The following AGRN variants were observed in gnomAD, a reference collection of about 807,000 sequenced individuals.
AGRN encodes the protein agrin proteoglycan.
Under a neutral mutation model 211.0 loss-of-function variants are expected in AGRN, and 106 were observed. The observed-to-expected ratio is 0.50, with a 90% CI of 0.43 to 0.59. AGRN has a LOEUF of 0.59. Ranked by LOEUF, AGRN falls within the 20% of genes least tolerant of loss-of-function variation. AGRN has a pLI of 0.00. For synonymous variants in AGRN, 1,525 were observed against 1,332.5 expected (o/e 1.14, Z -3.15); for missense variants, 3,040 against 2,982.6 (o/e 1.02, Z -0.45).
chr1:1,052,164 T>G, intron 33 of AGRN: 1 of 1,034,616 alleles, frequency 9.7e-7, no homozygotes, highest in Non-Finnish European at 1.3e-6. Flanking sequence ...AAGAGGCCGT[T>G]TCCTGCCTCA....
chr1:1,049,126 G>GGCCGGGGCAGCTCA, intron 24 of AGRN, 67 bp downstream of exon 24: 4 of 828,282 alleles, frequency 4.8e-6, no homozygotes, highest in Non-Finnish European at 5.1e-6. Context: ...GGGGGAGGGG[G>GGCCGGGGCAGCTCA]GGCCGGGGCA....
At position 1,046,816 on chromosome 1, in the gene AGRN, C is replaced by A; in HGVS notation, c.3251-4C>A. ...GAGCCTGGGCTCAGAGCGCGTCTCCCCAGGGCTCGAGCCCTTGGAGGGCAG... is the reference window on the plus strand; with the variant it reads ...GAGCCTGGGCTCAGAGCGCGTCTCCACAGGGCTCGAGCCCTTGGAGGGCAG... On this transcript the variant is annotated splice_region_variant and splice_polypyrimidine_tract_variant and intron_variant, in intron 18 of 35. Transcript: ENST00000379370. 1 of 1,579,942 alleles carries A rather than the reference C, an allele frequency of 6.3e-7. No homozygotes were observed. Among genetic ancestry groups the A allele is most frequent in the East Asian group, 2.3e-5 (1 of 43,882 alleles).
At chr1:1,030,497 G>A (rs1181669300) in intron 2 of AGRN, among the ~76,000 whole-genome samples, 3 of 38,050 alleles carry the variant, frequency 7.9e-5, no homozygotes, top group Non-Finnish European at 1.2e-4. Context: ...TGAGATCAGC[G>A]TGTGTGTGCA....
chr1:1,054,539 G>A lies in AGRN; in HGVS notation c.5968G>A (p.Ala1990Thr). 6.3e-7 allele frequency: 1 copy of A among 1,597,946 alleles called. No individual in the cohort carries two copies. Among genetic ancestry groups the A allele is most frequent in the Non-Finnish European group, 8.5e-7 (1 of 1,173,422 alleles). ...CGCCACGCAGCTGGACACTGATGGAGCCCTGTGGCTTGGTGAGTGTTTTGG... is the reference window on the plus strand; with the variant it reads ...CGCCACGCAGCTGGACACTGATGGAACCCTGTGGCTTGGTGAGTGTTTTGG... ...LGATQLDTDG[A>T]LWLGGLPELP... Residue 1990 changes from alanine (A) to threonine (T), a missense_variant, in exon 35 of 36, where the codon GCC becomes ACC. By Grantham distance (58) the Ala-to-Thr change is moderately conservative. This residue lies in a region of AGRN where 1,537 missense variants were observed against 1,505.0 expected (regional missense o/e 1.02). Coordinates refer to ENST00000379370, the MANE Select transcript of AGRN (RefSeq NM_198576.4).
rs1158798548 is a variant in AGRN at position 1,054,850 on chromosome 1, C to T, written c.6007C>T (p.Pro2003Ser). 4 of 1,559,656 alleles carry T rather than the reference C, an allele frequency of 2.6e-6. No individual in the cohort carries two copies. The African/African-American group carries it at 5.4e-5, about 21-fold the overall frequency. The change falls in exon 36 of 36, where the codon CCA becomes TCA. Residue 2003 changes from proline to serine, a missense_variant. By Grantham distance (74) the Pro-to-Ser change is moderately conservative. Coordinates refer to ENST00000379370, the MANE Select transcript of AGRN (RefSeq NM_198576.4). The part of the protein sequence containing the change: ...LGGLPELPVG[P>S]ALPKAYGTGF... ...GGGCCTGCCGGAGCTGCCCGTGGGCCCAGCACTGCCCAAGGCCTACGGCAC... is the reference window on the plus strand; with the variant it reads ...GGGCCTGCCGGAGCTGCCCGTGGGCTCAGCACTGCCCAAGGCCTACGGCAC...
intron 33 of AGRN, chr1:1,053,434 C>T (rs751750756): frequency 7.0e-7 from 1 of 1,422,818 alleles, no homozygotes; most frequent in South Asian, 1.2e-5. Flanking sequence ...CCCTGCTCAC[C>T]CGCCTCCCTC....
Position 1,053,677 on chromosome 1 carries a change from C to A in AGRN, c.5652-76C>A, listed in dbSNP as rs949274188. On this transcript the variant is annotated intron_variant, in intron 33 of 35. Transcript: ENST00000379370. The stretch of plus-strand genomic sequence containing the variant: ...GCCCTTGTGGCCTCCGCAGCTGGGG[C>A]CCTTGTCCTCCCGCCTCCCCCACCC... 10 of 1,512,900 alleles carry A rather than the reference C, an allele frequency of 6.6e-6. No individual in the cohort carries two copies. In the Admixed American group the frequency reaches 1.2e-4, roughly 18 times the overall value. 93.7% of individuals were successfully genotyped at this position (1,512,900 alleles called of 1,614,324 possible).
intron 16 of AGRN, 23 bp downstream of exon 16, chr1:1,046,111 G>A (rs1645084491): frequency 6.2e-7 from 1 of 1,613,900 alleles, no homozygotes; most frequent in African/African-American, 1.3e-5. Context: ...GGATGTGAAG[G>A]GGAGTGGGGA....
intron 2 of AGRN, chr1:1,034,229 G>A: frequency 1.0e-6 from 1 of 985,452 alleles, no homozygotes; most frequent in Non-Finnish European, 1.2e-6. Flanking sequence ...GGGGCTCCGG[G>A]AAGACCGAGC....
Position 1,051,781 on chromosome 1 carries a change from A to T in AGRN, c.5617A>T (p.Thr1873Ser), listed in dbSNP as rs756650249. ...DVDTLAFDGR[T>S]FVEYLNAVTE... ...GGATACCTTGGCCTTTGACGGGCGGACCTTTGTCGAGTACCTCAACGCTGT... is the reference window on the plus strand; with the variant it reads ...GGATACCTTGGCCTTTGACGGGCGGTCCTTTGTCGAGTACCTCAACGCTGT... The change falls in exon 33 of 36, where the codon ACC (threonine) becomes TCC (serine). Residue 1873 changes from threonine to serine, a missense_variant. Coordinates refer to ENST00000379370, the MANE Select transcript of AGRN (RefSeq NM_198576.4). 9 of 1,613,696 alleles carry T rather than the reference A, an allele frequency of 5.6e-6. No individual in the cohort carries two copies. The South Asian group carries it at 8.8e-5, about 16-fold the overall frequency.
intron 1 of AGRN, among the ~76,000 whole-genome samples, chr1:1,021,104 C>T (rs1644392701): frequency 6.6e-6 from 1 of 152,196 alleles, no homozygotes; most frequent in South Asian, 2.1e-4. Context: ...AAACCATCTC[C>T]TGGGACCAGA....
chr1:1,020,845 T>TGC (rs1644383098), intron 1 of AGRN, among the ~76,000 whole-genome samples: 2 of 12,818 alleles, frequency 1.6e-4, no homozygotes, highest in African/African-American at 2.8e-4. Context: ...GCCGCAGTGG[T>TGC]GCGGGGGGGG....
chr1:1,054,498 G>T lies in AGRN; in HGVS notation c.5927G>T (p.Gly1976Val). 1 of 1,602,910 alleles carries T rather than the reference G, an allele frequency of 6.2e-7. No individual in the cohort carries two copies. The highest frequency in any genetic ancestry group is 8.5e-7 in the Non-Finnish European group (1 of 1,175,674). Residue 1976 changes from glycine (G) to valine (V), a missense_variant, in exon 35 of 36, where the codon GGC (glycine) becomes GTC (valine). By Grantham distance (109) the Gly-to-Val change is moderately radical. This residue lies in a region of AGRN where 1,537 missense variants were observed against 1,505.0 expected (regional missense o/e 1.02). Transcript: ENST00000379370. Reference sequence around the variant, plus strand: ...GTGGGCAATGAGGCCCCTGTGACCGGCTCCTCCCCGCTGGGCGCCACGCAG... The same window carrying T: ...GTGGGCAATGAGGCCCCTGTGACCGTCTCCTCCCCGCTGGGCGCCACGCAG... Reference protein sequence around the residue: ...LQVGNEAPVTGSSPLGATQLD... With the variant: ...LQVGNEAPVTVSSPLGATQLD...
chr1:1,052,693 G>A (rs898510597), intron 33 of AGRN: 4 of 161,392 alleles, frequency 2.5e-5, no homozygotes, highest in African/African-American at 9.7e-5. Context: ...TGTACACATG[G>A]GTCCATGTAT....
Position 1,037,073 on chromosome 1 carries a change from G to A in AGRN, c.511+1749G>A, listed in dbSNP as rs905860999. ...AGGGTATGGACTCAGAGAAGGACCC[G>A]AGTCTTGCAGGAAGGGGCCTGAACC... On this transcript the variant is annotated intron_variant, in intron 3 of 35. Coordinates refer to ENST00000379370, the MANE Select transcript of AGRN (RefSeq NM_198576.4). Among the ~76,000 whole-genome samples, 6 of 152,290 alleles carry A rather than the reference G, an allele frequency of 3.9e-5. No homozygotes were observed. In the East Asian group the frequency reaches 5.8e-4, roughly 15 times the overall value.
chr1:1,020,261 C>G lies in AGRN; in HGVS notation c.89C>G (p.Thr30Arg). The G allele has an allele frequency of 6.8e-7, 1 of 1,464,390 alleles. No individual in the cohort carries two copies. The highest frequency in any genetic ancestry group is 9.0e-7 in the Non-Finnish European group (1 of 1,108,076). The allele number at this position is 1,464,390 out of a possible 1,614,324, so 90.7% of individuals were successfully genotyped here. A position where few individuals can be genotyped will look rare whatever the true frequency, so the allele number is the denominator to read the frequency against. The change falls in exon 1 of 36, where the codon ACA (threonine) becomes AGA (arginine). Residue 30 changes from threonine (T) to arginine (R), a missense_variant. This residue lies in a region of AGRN where 1,498 missense variants were observed against 1,457.8 expected (regional missense o/e 1.03). Transcript: ENST00000379370. Reference sequence around the variant, plus strand: ...TGCGTCCTGCCCGGAGCCGGCGGGACATGCCCGGAGCGCGCGCTGGAGCGG... The same window carrying G: ...TGCGTCCTGCCCGGAGCCGGCGGGAGATGCCCGGAGCGCGCGCTGGAGCGG... ...AACVLPGAGG[T>R]CPERALERRE...
intron 22 of AGRN, 40 bp downstream of exon 22, chr1:1,047,935 C>T (rs1460325111): frequency 5.6e-6 from 9 of 1,598,762 alleles, no homozygotes; most frequent in Non-Finnish European, 6.8e-6. Flanking sequence ...CCTGCCCCCT[C>T]CTCTGCCCAT....
Position 1,046,581 on chromosome 1 carries a change from G to A in AGRN, c.3096G>A (p.Arg1032=), listed in dbSNP as rs1432350560. ...SRPRTTASVP[R]TTVWPVLTVP... is the part of the protein sequence containing the mutation. ...CTCGGACCACTGCCAGCGTCCCCAG[G>A]ACCACCGTGTGGCCCGTGCTGACGG... is the stretch of plus-strand genomic sequence containing the variant. Residue 1032 remains arginine (R), a synonymous_variant, in exon 18 of 36, where the codon AGG becomes AGA. Coordinates refer to ENST00000379370, the MANE Select transcript of AGRN (RefSeq NM_198576.4). 1 of 1,607,696 alleles carries A rather than the reference G, an allele frequency of 6.2e-7. No homozygotes were observed. Among genetic ancestry groups the A allele is most frequent in the South Asian group, 1.1e-5 (1 of 90,982 alleles).
At position 1,044,569 on chromosome 1, in the gene AGRN, C is replaced by T. The variant is rs368333183; in HGVS notation, c.2254+130C>T. The T allele has an allele frequency of 5.1e-5, 51 of 1,006,826 alleles. No homozygotes were observed. In the African/African-American group the frequency reaches 5.9e-4, roughly 12 times the overall value. The allele number at this position is 1,006,826 out of a possible 1,614,324, so 62.4% of individuals were successfully genotyped here. The stretch of plus-strand genomic sequence containing the variant: ...TGTGTATTGTGTTGTAAGTGAGCAT[C>T]GTCCAGTGTTGGTGCCTGTGCACAT... On this transcript the variant is annotated intron_variant, in intron 12 of 35. Transcript: ENST00000379370.
Sources: allele counts gnomAD v4.1 joint callset (sites outside exome capture counted in the v4.1 genomes callset), GRCh38; gene constraint gnomAD v4.1.1; regional missense constraint gnomAD v4.1.1; transcripts MANE v1.5; gene names NCBI Gene and HGNC (gene_info 2026-07-23, HGNC 2026-07-21).